MOB3B: variants seen among roughly 807,000 people sequenced by gnomAD.
MOB3B encodes MOB kinase activator-like 2B.
MOB3B carries 7 observed loss-of-function variants against 18.7 expected under a neutral mutation model. That is an observed-to-expected ratio of 0.37 (90% confidence interval 0.21 to 0.70). MOB3B has a LOEUF of 0.70. Ranked by LOEUF, MOB3B falls within the 30% of genes least tolerant of loss-of-function variation. The pLI is 0.52. For missense variants in MOB3B, 253 were observed against 281.3 expected (o/e 0.90, Z 0.72); for synonymous variants, 111 against 99.9 (o/e 1.11, Z -0.66).
At chr9:27,488,613 G>A (rs1431933848) in intron 1 of MOB3B, among the ~76,000 whole-genome samples, 1 of 152,092 alleles carries the variant, frequency 6.6e-6, no homozygotes, top group Admixed American at 6.5e-5. Context: ...TCACCACATT[G>A]GCCAGGCTGG....
intron 1 of MOB3B, among the ~76,000 whole-genome samples, chr9:27,512,681 A>G (rs1378914789): frequency 6.6e-6 from 1 of 152,116 alleles, no homozygotes; most frequent in Non-Finnish European, 1.5e-5. Context: ...GCAGATAGAC[A>G]TTTCTGAGTT....
At position 27,330,599 on chromosome 9, in the gene MOB3B, C is replaced by G; in HGVS notation, c.639G>C (p.Arg213Ser). The G allele has an allele frequency of 6.2e-7, 1 of 1,613,946 alleles. No homozygotes were observed. The highest frequency in any genetic ancestry group is 8.5e-7 in the Non-Finnish European group (1 of 1,179,930). The part of the protein sequence containing the change: ...ELEPLKEMTS[R>S]MCH ...GTGAGGTGGAGCATTAGTGACACAT[C>G]CTGCTCGTCATTTCTTTCTGGAAAG... is the stretch of plus-strand genomic sequence containing the variant. The change falls in exon 4 of 4, where the codon AGG (arginine) becomes AGC (serine). Residue 213 changes from arginine to serine, a missense_variant. Coordinates refer to ENST00000262244, the MANE Select transcript of MOB3B (RefSeq NM_024761.5).
chr9:27,451,080 C>A (rs888695076), intron 2 of MOB3B, among the ~76,000 whole-genome samples: 2 of 152,062 alleles, frequency 1.3e-5, no homozygotes. Context: ...AGTTGGAGGA[C>A]CTCTAAGTTT....
chr9:27,391,558 T>C (rs1821728394), intron 2 of MOB3B, among the ~76,000 whole-genome samples: 1 of 152,258 alleles, frequency 6.6e-6, no homozygotes, highest in African/African-American at 2.4e-5. Context: ...TATTAAACTA[T>C]TTTAATGAAA....
chr9:27,441,120 C>T (rs1822589293), intron 2 of MOB3B, among the ~76,000 whole-genome samples: 1 of 152,204 alleles, frequency 6.6e-6, no homozygotes, highest in Admixed American at 6.5e-5. Context: ...GGCCACTCAC[C>T]TCCTGCTGTG....
intron 2 of MOB3B, among the ~76,000 whole-genome samples, chr9:27,384,879 G>T (rs555851939): frequency 2.0e-5 from 3 of 152,130 alleles, no homozygotes; most frequent in Non-Finnish European, 2.9e-5. Context: ...AGGGTGAGAC[G>T]CTGAGCCTGG....
intron 2 of MOB3B, among the ~76,000 whole-genome samples, chr9:27,368,878 G>A (rs565379838): frequency 9.9e-5 from 15 of 152,262 alleles, no homozygotes; most frequent in African/African-American, 3.4e-4. Flanking sequence ...ACCCCTGAGC[G>A]CCACTTCTGA....
intron 1 of MOB3B, among the ~76,000 whole-genome samples, chr9:27,457,828 C>CT (rs1819204505): frequency 6.6e-6 from 1 of 152,184 alleles, no homozygotes; most frequent in African/African-American, 2.4e-5. Context: ...CCTGGAATAG[C>CT]ACCTGTAAGG....
At chr9:27,418,035 T>C (rs1335709873) in intron 2 of MOB3B, among the ~76,000 whole-genome samples, 1 of 126,008 alleles carries the variant, frequency 7.9e-6, no homozygotes, top group East Asian at 2.4e-4. Flanking sequence ...GAGGTTGCAG[T>C]GAGCTGAGAT....
chr9:27,480,685 C>A (rs768382752), intron 1 of MOB3B, among the ~76,000 whole-genome samples: 1 of 152,098 alleles, frequency 6.6e-6, no homozygotes, highest in Middle Eastern at 3.4e-3. Context: ...CCTGCCTGGG[C>A]CTTCCAAAGT....
At chr9:27,351,143 T>A (rs1821099735) in intron 3 of MOB3B, among the ~76,000 whole-genome samples, 1 of 152,140 alleles carries the variant, frequency 6.6e-6, no homozygotes, top group African/African-American at 2.4e-5. Flanking sequence ...CCTCAGGTGA[T>A]CCACCCGCCT....
intron 2 of MOB3B, among the ~76,000 whole-genome samples, chr9:27,450,688 A>G (rs1449905089): frequency 6.6e-6 from 1 of 152,228 alleles, no homozygotes; most frequent in Non-Finnish European, 1.5e-5. Context: ...GAATGGCAGC[A>G]TAGGACAAAG....
intron 3 of MOB3B, among the ~76,000 whole-genome samples, chr9:27,332,825 C>T (rs1246573596): frequency 3.3e-5 from 5 of 152,188 alleles, no homozygotes; most frequent in African/African-American, 1.2e-4. Flanking sequence ...TGCAGGTCTA[C>T]GGTTTAAACT....
Position 27,455,681 on chromosome 9 carries a change from T to A in MOB3B, c.-131A>T. 6.6e-7 allele frequency: 1 copy of A among 1,519,554 alleles called. No homozygotes were observed. The highest frequency in any genetic ancestry group is 1.3e-5 in the South Asian group (1 of 74,964). The allele number at this position is 1,519,554 out of a possible 1,614,324, so 94.1% of individuals were successfully genotyped here. ...CCCCAGTCTTACAGCCTGTAGCTTT[T>A]AAGCTCTTCTAAACAGCCCCTTCCA... On this transcript the variant is annotated 5_prime_UTR_variant, in exon 2 of 4. Transcript: ENST00000262244.
intron 2 of MOB3B, among the ~76,000 whole-genome samples, chr9:27,378,953 C>T (rs1186893750): frequency 6.6e-6 from 1 of 152,208 alleles, no homozygotes; most frequent in Non-Finnish European, 1.5e-5. Flanking sequence ...TGCTCTCTTT[C>T]CACTGCTCTG....
In MOB3B at chr9:27,329,694, A is replaced by C. The variant is rs1820760354; in HGVS notation, c.*893T>G. 1 of 152,668 alleles carries C rather than the reference A, an allele frequency of 6.6e-6. No homozygotes were observed. Among genetic ancestry groups the C allele is most frequent in the Non-Finnish European group, 1.5e-5 (1 of 68,040 alleles). The allele number at this position is 152,668 out of a possible 1,614,324, so 9.5% of individuals were successfully genotyped here. On this transcript the variant is annotated 3_prime_UTR_variant, in exon 4 of 4. Coordinates refer to ENST00000262244, the MANE Select transcript of MOB3B (RefSeq NM_024761.5). ...CGACTCCCTGTCTTTAATAAAGAAC[A>C]AACACTGCAGTAATCATGCCCAACG...
intron 3 of MOB3B, among the ~76,000 whole-genome samples, chr9:27,331,338 C>T (rs141242615): frequency 6.6e-6 from 1 of 152,302 alleles, no homozygotes; most frequent in Non-Finnish European, 1.5e-5. Flanking sequence ...CATTTTTCCA[C>T]CTCAGGTAAG....
chr9:27,472,597 A>G (rs1043072288), intron 1 of MOB3B, among the ~76,000 whole-genome samples: 7 of 151,730 alleles, frequency 4.6e-5, no homozygotes, highest in Admixed American at 1.3e-4. Flanking sequence ...TTCCTAGGAA[A>G]ATAGTATCAG....
intron 1 of MOB3B, among the ~76,000 whole-genome samples, chr9:27,496,144 T>C (rs1315564691): frequency 6.6e-6 from 1 of 152,242 alleles, no homozygotes; most frequent in Non-Finnish European, 1.5e-5. Context: ...CAGCAAGTAT[T>C]CCAACTGAGT....
Sources: allele counts gnomAD v4.1 joint callset (sites outside exome capture counted in the v4.1 genomes callset), GRCh38; gene constraint gnomAD v4.1.1; transcripts MANE v1.5; gene names NCBI Gene and HGNC (gene_info 2026-07-23, HGNC 2026-07-21).